Variants in CALD1 observed in about 807,000 individuals in gnomAD.
CALD1 encodes the protein caldesmon 1.
A neutral mutation model predicts 99.9 loss-of-function variants in CALD1; 33 were observed. The ratio of observed to expected loss-of-function variants is 0.33; its 90% confidence interval spans 0.25 to 0.44. The LOEUF is 0.44. Among genes scored for constraint, CALD1 ranks in the 20% least tolerant of loss-of-function variants. CALD1 has a pLI of 1.00. For synonymous variants in CALD1, 310 were observed against 325.0 expected, an observed-to-expected ratio of 0.95 and a Z score of 0.50; for missense variants, 861 against 962.1, an observed-to-expected ratio of 0.89 and a Z score of 1.39.
chr7:134,862,261 A>ATATATAT (rs1800595068), intron 2 of CALD1, among the ~76,000 whole-genome samples: 1 of 152,218 alleles, frequency 6.6e-6, no homozygotes, highest in South Asian at 2.1e-4. Flanking sequence ...TCCTAGAGAG[A>ATATATAT]AATAGTGGAT....
intron 1 of CALD1, among the ~76,000 whole-genome samples, chr7:134,750,918 T>C (rs902685572): frequency 1.2e-4 from 19 of 152,218 alleles, no homozygotes; most frequent in Non-Finnish European, 8.8e-5. Flanking sequence ...TGACATATCA[T>C]ACCATTCAGT....
At chr7:134,746,798 A>G (rs2131544073) in intron 1 of CALD1, among the ~76,000 whole-genome samples, 1 of 152,340 alleles carries the variant, frequency 6.6e-6, no homozygotes, top group East Asian at 1.9e-4. Context: ...AGGCAATTCT[A>G]TTTTTAAAGT....
chr7:134,941,297 AGTC>A, intron 7 of CALD1, 60 bp downstream of exon 7: 30 of 1,325,608 alleles, frequency 2.3e-5, no homozygotes, highest in Non-Finnish European at 2.9e-5. Flanking sequence ...AAAAAAAAAA[AGTC>A]AGTCTTCCCA....
intron 3 of CALD1, among the ~76,000 whole-genome samples, chr7:134,894,376 C>A (rs1802415588): frequency 6.6e-6 from 1 of 152,186 alleles, no homozygotes; most frequent in Non-Finnish European, 1.5e-5. Context: ...ATCTTTGAAG[C>A]TTCAGCATCC....
At chr7:134,937,887 C>T (rs1039514040) in intron 6 of CALD1, among the ~76,000 whole-genome samples, 1 of 152,214 alleles carries the variant, frequency 6.6e-6, no homozygotes, top group African/African-American at 2.4e-5. Context: ...GCTTTTTTCT[C>T]TCCTCTCCAA....
intron 3 of CALD1, among the ~76,000 whole-genome samples, chr7:134,888,902 T>A (rs1802008866): frequency 6.6e-6 from 1 of 152,236 alleles, no homozygotes; most frequent in Admixed American, 6.5e-5. Context: ...TTTCTGTACA[T>A]GGATTCTGCA....
chr7:134,867,420 T>C (rs1800851625), intron 2 of CALD1, among the ~76,000 whole-genome samples: 1 of 152,210 alleles, frequency 6.6e-6, no homozygotes, highest in Non-Finnish European at 1.5e-5. Context: ...ATTCTACCAA[T>C]ATTTCAAGTC....
intron 1 of CALD1, among the ~76,000 whole-genome samples, chr7:134,795,503 TA>T (rs1269327823): frequency 6.6e-6 from 1 of 152,226 alleles, no homozygotes; most frequent in Non-Finnish European, 1.5e-5. Context: ...ACGTCATTAT[TA>T]CCAGAGTGAG....
intron 2 of CALD1, among the ~76,000 whole-genome samples, chr7:134,864,404 C>CTTT (rs34915812): frequency 2.8e-5 from 4 of 142,636 alleles, no homozygotes; most frequent in African/African-American, 5.3e-5. Context: ...TTTTTCTTTC[C>CTTT]TTTTTTTTTT....
chr7:134,725,829 T>C, the CALD1 span, among the ~76,000 whole-genome samples: 1 of 152,124 alleles, frequency 6.6e-6, no homozygotes, highest in Non-Finnish European at 1.5e-5. Context: ...GGAGATTAGA[T>C]GTACGCAGAG....
chr7:134,876,575 G>A lies in CALD1; in HGVS notation c.71+8771G>A, dbSNP rs541500619. Among the ~76,000 whole-genome samples, 6 of 152,316 alleles carry A rather than the reference G, an allele frequency of 3.9e-5. No individual in the cohort carries two copies. The South Asian group carries it at 6.2e-4, about 16-fold the overall frequency. ...TGAGTGGATAGGCAGAATGATACCA[G>A]TTAATAGTCAGGAACTGGGAATCAA... On this transcript the variant is annotated intron_variant, in intron 3 of 14. Transcript: ENST00000361675.
At chr7:134,798,832 C>A (rs1337364052) in intron 1 of CALD1, among the ~76,000 whole-genome samples, 1 of 152,180 alleles carries the variant, frequency 6.6e-6, no homozygotes, top group Non-Finnish European at 1.5e-5. Flanking sequence ...TGACTGACAT[C>A]TAGAGGCATC....
At chr7:134,730,298 T>C in the CALD1 span, among the ~76,000 whole-genome samples, 3 of 143,234 alleles carry the variant, frequency 2.1e-5, no homozygotes, top group African/African-American at 7.7e-5. Flanking sequence ...TCCAGAAACA[T>C]TAGAGGATAA....
chr7:134,928,509 A>C (rs545270633), intron 3 of CALD1, among the ~76,000 whole-genome samples: 1 of 151,080 alleles, frequency 6.6e-6, no homozygotes, highest in South Asian at 2.1e-4. Flanking sequence ...GTTTTAGTTT[A>C]AGTTGTTATT....
chr7:134,892,764 T>G (rs1045586908), intron 3 of CALD1, among the ~76,000 whole-genome samples: 47 of 152,228 alleles, frequency 3.1e-4, no homozygotes, highest in African/African-American at 1.1e-3. Flanking sequence ...AACGCTATTG[T>G]ATAAAGGAGA....
At chr7:134,854,060 C>T (rs1800194839) in intron 2 of CALD1, among the ~76,000 whole-genome samples, 1 of 152,134 alleles carries the variant, frequency 6.6e-6, no homozygotes, top group South Asian at 2.1e-4. Flanking sequence ...TTTATGGTTG[C>T]ATAGTATTCC....
At chr7:134,921,889 T>C (rs2132820969) in intron 3 of CALD1, among the ~76,000 whole-genome samples, 1 of 152,254 alleles carries the variant, frequency 6.6e-6, no homozygotes, top group African/African-American at 2.4e-5. Flanking sequence ...ATATCTACCC[T>C]AAAGAAATAC....
intron 1 of CALD1, among the ~76,000 whole-genome samples, chr7:134,759,510 A>G (rs1395076136): frequency 1.3e-5 from 2 of 152,214 alleles, no homozygotes; most frequent in East Asian, 3.9e-4. Context: ...ACCTGAGGAC[A>G]AGAGGCAGCA....
At chr7:134,910,629 G>C (rs1408169003) in intron 3 of CALD1, among the ~76,000 whole-genome samples, 3 of 151,946 alleles carry the variant, frequency 2.0e-5, no homozygotes. Context: ...CAATAAAAAA[G>C]ACTGATGGCA....
Sources: allele counts gnomAD v4.1 joint callset (sites outside exome capture counted in the v4.1 genomes callset), GRCh38; gene constraint gnomAD v4.1.1; transcripts MANE v1.5; gene names NCBI Gene and HGNC (gene_info 2026-07-23, HGNC 2026-07-21).